The following STOML3 variants were observed in gnomAD, a reference collection of about 807,000 sequenced individuals.
STOML3 encodes stomatin-like protein 3.
Under a neutral mutation model 29.5 loss-of-function variants are expected in STOML3, and 31 were observed. The ratio of observed to expected loss-of-function variants is 1.05; its 90% CI spans 0.79 to 1.42. The LOEUF is 1.42. Among genes scored for constraint, STOML3 ranks in the 40% most tolerant of loss-of-function variants. STOML3 has a pLI of 0.00. For synonymous variants in STOML3, 122 were observed against 139.8 expected, an observed-to-expected ratio of 0.87 and a Z score of 0.90; for missense variants, 380 against 363.0, an observed-to-expected ratio of 1.05 and a Z score of -0.38.
chr13:38,968,461 G>T lies in STOML3; in HGVS notation c.590C>A (p.Pro197His). 6.2e-7 allele frequency: 1 copy of T among 1,614,074 alleles called. No individual in the cohort carries two copies. The change falls in exon 6 of 7, where the codon CCC becomes CAC. Residue 197 changes from proline (P) to histidine (H), a missense_variant. Physicochemically the swap from Pro to His is moderately conservative, Grantham distance 77 (BLOSUM62 -2). Transcript: ENST00000379631. Reference protein sequence around the residue: ...ARVEIKDVRIPVQLQRSMAAE... With the variant: ...ARVEIKDVRIHVQLQRSMAAE... ...TGCCATGGATCTCTGCAACTGCACG[G>T]GAATCCGAACATCTTTGATTTCCAC...
Position 38,990,624 on chromosome 13 carries a change from G to T in STOML3, c.52+46C>A, listed in dbSNP as rs368874393. 2.8e-4 allele frequency: 448 copies of T among 1,595,198 alleles called. 10 individuals are homozygous for T. The South Asian group carries it at 4.6e-3, about 16-fold the overall frequency. ...TCTATAATGCTACAACTCCTGCTTT[G>T]CCATATATGTAAAAAACAAGCCTAA... On this transcript the variant is annotated intron_variant, in intron 1 of 6. Coordinates refer to ENST00000379631, the MANE Select transcript of STOML3 (RefSeq NM_145286.3).
chr13:38,969,548 G>A (rs560961521), intron 5 of STOML3, among the ~76,000 whole-genome samples: 36 of 152,306 alleles, frequency 2.4e-4, no homozygotes, highest in African/African-American at 8.7e-4. Flanking sequence ...AGGCCAAGAA[G>A]AACCAAAGCT....
At chr13:38,985,844 A>G (rs1450710050) in intron 1 of STOML3, among the ~76,000 whole-genome samples, 1 of 151,028 alleles carries the variant, frequency 6.6e-6, no homozygotes, top group Admixed American at 6.6e-5. Flanking sequence ...TAGAATAGAA[A>G]AAATTTTGGA....
At position 38,968,517 on chromosome 13, in the gene STOML3, G is replaced by C; in HGVS notation, c.534C>G (p.Ala178=). ...CCACCCGGATCCCCCACAGTTCGGT[G>C]GCATCATCAAGTAAAGTCTGTTTCC... ...AHSIQTLLDD[A]TELWGIRVAR... The change falls in exon 6 of 7, where the codon GCC becomes GCG. Residue 178 remains alanine, a synonymous_variant. Transcript: ENST00000379631. The C allele has an allele frequency of 1.2e-6, 2 of 1,614,092 alleles. No homozygotes were observed. Among genetic ancestry groups the C allele is most frequent in the Non-Finnish European group, 1.7e-6 (2 of 1,180,018 alleles).
At chr13:38,971,802 G>A (rs1378160189) in intron 4 of STOML3, among the ~76,000 whole-genome samples, 1 of 152,136 alleles carries the variant, frequency 6.6e-6, no homozygotes, top group African/African-American at 2.4e-5. Context: ...ACAGGCACCT[G>A]TAATCCCAGC....
chr13:38,982,438 G>A (rs1474637999), intron 1 of STOML3, among the ~76,000 whole-genome samples: 2 of 151,810 alleles, frequency 1.3e-5, no homozygotes, highest in African/African-American at 2.4e-5. Flanking sequence ...CACAACCCAG[G>A]ACTAAATTTC....
intron 1 of STOML3, among the ~76,000 whole-genome samples, 166 bp from the exon 2 acceptor site, chr13:38,976,963 A>G (rs1217990067): frequency 1.3e-5 from 2 of 152,268 alleles, no homozygotes; most frequent in Admixed American, 6.5e-5. Flanking sequence ...ACGTACATAC[A>G]TTCAAATGTT....
chr13:38,970,755 T>TA (rs1191858283), intron 4 of STOML3, among the ~76,000 whole-genome samples: 1 of 152,194 alleles, frequency 6.6e-6, no homozygotes, highest in Admixed American at 6.5e-5. Context: ...GTTTCCCTGA[T>TA]ACCTGTACTC....
chr13:38,979,075 C>T (rs944647153), intron 1 of STOML3, among the ~76,000 whole-genome samples: 1 of 152,178 alleles, frequency 6.6e-6, no homozygotes, highest in African/African-American at 2.4e-5. Flanking sequence ...ATTTTAGATA[C>T]ATATTTTGTA....
intron 1 of STOML3, among the ~76,000 whole-genome samples, chr13:38,987,132 A>T (rs1411850524): frequency 6.6e-6 from 1 of 152,148 alleles, no homozygotes; most frequent in Non-Finnish European, 1.5e-5. Flanking sequence ...TACCATTTCC[A>T]CTGTGTAAAT....
intron 1 of STOML3, among the ~76,000 whole-genome samples, chr13:38,983,876 A>C (rs1310169835): frequency 6.6e-6 from 1 of 152,204 alleles, no homozygotes; most frequent in Non-Finnish European, 1.5e-5. Flanking sequence ...AAAATACTTA[A>C]GGCATTATTT....
intron 4 of STOML3, among the ~76,000 whole-genome samples, chr13:38,971,750 C>G (rs1453149623): frequency 6.6e-6 from 1 of 152,052 alleles, no homozygotes; most frequent in Non-Finnish European, 1.5e-5. Context: ...CATGGTGAAA[C>G]CCTGTCTCCA....
intron 1 of STOML3, among the ~76,000 whole-genome samples, chr13:38,990,331 A>G (rs891062438): frequency 3.3e-5 from 5 of 152,218 alleles, no homozygotes; most frequent in Non-Finnish European, 5.9e-5. Flanking sequence ...TGAATGAAAA[A>G]TAAAGCAAGT....
At position 38,974,735 on chromosome 13, in the gene STOML3, T is replaced by C. The variant is rs567858714; in HGVS notation, c.229+1805A>G. On this transcript the variant is annotated intron_variant, in intron 3 of 6. Coordinates refer to ENST00000379631, the MANE Select transcript of STOML3 (RefSeq NM_145286.3). ...AACTCATTAACCCCAGAGACACGTA[T>C]GACGAGAGTTGTTATCCTGAGACAT... Among the ~76,000 whole-genome samples, 5 of 152,318 alleles carry C rather than the reference T, an allele frequency of 3.3e-5. No individual in the cohort carries two copies. The East Asian group carries it at 9.7e-4, about 29-fold the overall frequency.
intron 6 of STOML3, 125 bp from the exon 7 acceptor site, chr13:38,967,174 C>T (rs1880688992): frequency 1.2e-6 from 1 of 818,796 alleles, no homozygotes; most frequent in African/African-American, 1.7e-5. Context: ...GTTTCATCTA[C>T]TTCTTTGGCG....
rs762083334 is a variant in STOML3, at chr13:38,976,552, C to T, written c.217G>A (p.Ala73Thr). The change falls in exon 3 of 7, where the codon GCC becomes ACC. Residue 73 changes from alanine to threonine, a missense_variant. Ala to Thr is a moderately conservative substitution (Grantham distance 58). Coordinates refer to ENST00000379631, the MANE Select transcript of STOML3 (RefSeq NM_145286.3). ...GCGTCATTCATACCTGGCCCCTTGG[C>T]TTTGTCAGCTTGGATGCGTCCCAGA... is the stretch of plus-strand genomic sequence containing the variant. ...FRLGRIQADK[A>T]KGPGLILVLP... 28 of 1,614,068 alleles carry T rather than the reference C, an allele frequency of 1.7e-5. No individual in the cohort carries two copies. Among genetic ancestry groups the T allele is most frequent in the Middle Eastern group, 3.3e-4 (2 of 6,084 alleles).
intron 1 of STOML3, among the ~76,000 whole-genome samples, chr13:38,985,507 C>T (rs1868479226): frequency 6.6e-6 from 1 of 152,052 alleles, no homozygotes; most frequent in African/African-American, 2.4e-5. Flanking sequence ...TTCTTTCTCC[C>T]CATTCTCCCA....
chr13:38,983,227 C>A (rs1045474731), intron 1 of STOML3, among the ~76,000 whole-genome samples: 5 of 152,154 alleles, frequency 3.3e-5, no homozygotes, highest in Non-Finnish European at 7.3e-5. Context: ...TATGACCTCC[C>A]CCTCAGGGAT....
At chr13:38,989,823 A>G (rs113399478) in intron 1 of STOML3, among the ~76,000 whole-genome samples, 96 of 152,176 alleles carry the variant, frequency 6.3e-4, no homozygotes, top group African/African-American at 2.1e-3. Flanking sequence ...TGTATTAGTA[A>G]TGCCAAACGT....
Sources: gnomAD v4.1 joint callset for allele counts (sites outside exome capture counted in the v4.1 genomes callset) on GRCh38, gnomAD v4.1.1 for gene constraint, MANE v1.5 for transcripts, NCBI Gene and HGNC (gene_info 2026-07-23, HGNC 2026-07-21) for gene names.